TRPC7: variants seen among roughly 807,000 people sequenced by gnomAD.
TRPC7 encodes short transient receptor potential channel 7.
TRPC7 carries 42 observed loss-of-function variants against 90.1 expected under a neutral mutation model. The observed-to-expected ratio is 0.47, with a 90% confidence interval of 0.36 to 0.60. The LOEUF (loss-of-function observed/expected upper bound fraction) is 0.60. TRPC7 is among the 20% of genes least tolerant of loss of function. TRPC7 has a pLI of 0.00. For missense variants in TRPC7, 955 were observed against 1,112.3 expected (o/e 0.86, Z 2.01); for synonymous variants, 451 against 436.3 (o/e 1.03, Z -0.42).
chr5:136,285,854 C>T (rs1170500980), intron 3 of TRPC7, among the ~76,000 whole-genome samples: 1 of 152,186 alleles, frequency 6.6e-6, no homozygotes, highest in South Asian at 2.1e-4. Flanking sequence ...CCACAGTATT[C>T]CTGAAATGCA....
chr5:136,326,152 C>A (rs575425374), intron 2 of TRPC7, among the ~76,000 whole-genome samples: 2 of 152,348 alleles, frequency 1.3e-5, no homozygotes, highest in South Asian at 4.1e-4. Flanking sequence ...CAGGCCCATG[C>A]CCACCTTGTG....
chr5:136,233,087 T>C (rs1333410040), intron 7 of TRPC7, among the ~76,000 whole-genome samples: 2 of 152,194 alleles, frequency 1.3e-5, no homozygotes, highest in African/African-American at 4.8e-5. Context: ...TGTGTATCTG[T>C]GTGTGCGTGT....
intron 3 of TRPC7, among the ~76,000 whole-genome samples, chr5:136,302,210 C>T (rs1049222395): frequency 2.0e-5 from 3 of 152,228 alleles, no homozygotes; most frequent in African/African-American, 7.2e-5. Flanking sequence ...GCAGGGACAC[C>T]TCTCTGATTA....
chr5:136,287,184 A>G (rs1757747988), intron 3 of TRPC7, among the ~76,000 whole-genome samples: 1 of 152,178 alleles, frequency 6.6e-6, no homozygotes, highest in East Asian at 1.9e-4. Context: ...CTGAATATTC[A>G]TCATAGAAGA....
intron 3 of TRPC7, chr5:136,303,840 G>T (rs1580929021): frequency 1.3e-5 from 2 of 151,698 alleles, no homozygotes; most frequent in East Asian, 3.9e-4. Context: ...CGAGCTTCGG[G>T]TAACTCTCAC....
At chr5:136,260,962 G>A (rs1007153697) in intron 5 of TRPC7, among the ~76,000 whole-genome samples, 1 of 152,174 alleles carries the variant, frequency 6.6e-6, no homozygotes, top group Admixed American at 6.5e-5. Context: ...TCATTTATGA[G>A]TATGGTATGT....
intron 5 of TRPC7, among the ~76,000 whole-genome samples, chr5:136,260,041 A>G (rs1756805735): frequency 6.6e-6 from 1 of 152,206 alleles, no homozygotes; most frequent in African/African-American, 2.4e-5. Context: ...AGGTATTTCC[A>G]GTTGGGTTTG....
intron 3 of TRPC7, among the ~76,000 whole-genome samples, chr5:136,312,070 C>T (rs1008982996): frequency 3.9e-5 from 6 of 152,044 alleles, no homozygotes; most frequent in Non-Finnish European, 7.4e-5. Flanking sequence ...CTCAAGTGAC[C>T]ACATTAATAA....
At chr5:136,288,224 C>T (rs543464522) in intron 3 of TRPC7, among the ~76,000 whole-genome samples, 23 of 151,976 alleles carry the variant, frequency 1.5e-4, no homozygotes, top group Non-Finnish European at 2.9e-4. Flanking sequence ...CACCAAGCAG[C>T]AGTTAATATG....
At chr5:136,232,265 A>G (rs1039606530) in intron 7 of TRPC7, among the ~76,000 whole-genome samples, 4 of 152,180 alleles carry the variant, frequency 2.6e-5, no homozygotes, top group African/African-American at 9.7e-5. Context: ...GCCCACGTGA[A>G]GGGGAGTGAT....
intron 3 of TRPC7, among the ~76,000 whole-genome samples, chr5:136,307,747 A>G (rs941144002): frequency 3.3e-5 from 5 of 152,180 alleles, no homozygotes; most frequent in African/African-American, 1.2e-4. Flanking sequence ...GGGAGTCCTC[A>G]CAGCAAGGAA....
intron 6 of TRPC7, among the ~76,000 whole-genome samples, chr5:136,248,751 C>A (rs1756426111): frequency 6.6e-6 from 1 of 152,214 alleles, no homozygotes. Context: ...TGCTGCAGAG[C>A]AAACCTGCAA....
chr5:136,277,909 G>T (rs1460733978), intron 3 of TRPC7, among the ~76,000 whole-genome samples: 1 of 152,224 alleles, frequency 6.6e-6, no homozygotes, highest in East Asian at 1.9e-4. Context: ...GATTTTCCCA[G>T]CGACATGATT....
intron 10 of TRPC7, among the ~76,000 whole-genome samples, chr5:136,220,148 A>G (rs1755405985): frequency 6.6e-6 from 1 of 152,228 alleles, no homozygotes; most frequent in African/African-American, 2.4e-5. Context: ...TAAGTGTACA[A>G]ATTTATTGTA....
chr5:136,336,506 GT>G lies in TRPC7; in HGVS notation c.780+20101del, dbSNP rs903793126. On this transcript the variant is annotated intron_variant, in intron 2 of 11. Coordinates refer to ENST00000513104, the MANE Select transcript of TRPC7 (RefSeq NM_020389.3). ...AGCAGAAAGGGCTAGGGAAAGGAAGGTTTTTTTTTTTTAATATATATACTTT... is the reference window on the plus strand; with the variant it reads ...AGCAGAAAGGGCTAGGGAAAGGAAGGTTTTTTTTTTTAATATATATACTTT... 2.7e-3 allele frequency among the ~76,000 whole-genome samples: 390 copies of G among 144,216 alleles called. 2 individuals are homozygous for G. Among genetic ancestry groups the G allele is most frequent in the African/African-American group, 7.1e-3 (280 of 39,510 alleles). 94.6% of individuals were successfully genotyped at this position (144,216 alleles called of 152,430 possible).
chr5:136,236,021 A>G (rs893127136), intron 7 of TRPC7, among the ~76,000 whole-genome samples: 1 of 152,230 alleles, frequency 6.6e-6, no homozygotes, highest in South Asian at 2.1e-4. Flanking sequence ...TGATGCTTCT[A>G]TTGTTCAGCT....
Position 136,266,202 on chromosome 5 carries a change from A to G in TRPC7, c.1345+18T>C, listed in dbSNP as rs974435447. On this transcript the variant is annotated intron_variant, in intron 5 of 11. Transcript: ENST00000513104. Reference sequence around the variant, plus strand: ...TATAATTAGCAAGGAGAGAATAAAAATAGAGTGACTTGCTTACCTAAGACC... The same window carrying G: ...TATAATTAGCAAGGAGAGAATAAAAGTAGAGTGACTTGCTTACCTAAGACC... 5 of 1,601,082 alleles carry G rather than the reference A, an allele frequency of 3.1e-6. No homozygotes were observed. The highest frequency in any genetic ancestry group is 1.1e-5 in the South Asian group (1 of 90,820).
intron 3 of TRPC7, among the ~76,000 whole-genome samples, chr5:136,291,492 C>A (rs556560927): frequency 6.6e-6 from 1 of 152,256 alleles, no homozygotes; most frequent in East Asian, 1.9e-4. Flanking sequence ...GATTGCAATC[C>A]TAGTCTCTGA....
chr5:136,331,221 G>T (rs1380518453), intron 2 of TRPC7, among the ~76,000 whole-genome samples: 4 of 152,158 alleles, frequency 2.6e-5, no homozygotes, highest in African/African-American at 9.6e-5. Context: ...GCAGAATTAA[G>T]CACTCTCTCT....
Sources: allele counts gnomAD v4.1 joint callset (sites outside exome capture counted in the v4.1 genomes callset), GRCh38; gene constraint gnomAD v4.1.1; transcripts MANE v1.5; gene names NCBI Gene and HGNC (gene_info 2026-07-23, HGNC 2026-07-21).